SHQ1: variants seen among roughly 807,000 people sequenced by gnomAD.
SHQ1 encodes the protein SHQ1, H/ACA ribonucleoprotein assembly factor.
A neutral mutation model predicts 53.8 loss-of-function variants in SHQ1; 49 were observed. That is an observed-to-expected ratio of 0.91 (90% CI 0.72 to 1.16). The LOEUF (loss-of-function observed/expected upper bound fraction) is 1.16. SHQ1 is among the 50% of genes most tolerant of loss of function. SHQ1 has a pLI of 0.00. For missense variants in SHQ1, 738 were observed against 683.1 expected (o/e 1.08, Z -0.90); for synonymous variants, 243 against 251.0 (o/e 0.97, Z 0.30).
intron 6 of SHQ1, among the ~76,000 whole-genome samples, chr3:72,823,519 T>C (rs1044799652): frequency 2.0e-5 from 3 of 152,128 alleles, no homozygotes; most frequent in Non-Finnish European, 2.9e-5. Context: ...TGTCCACCAG[T>C]AGTAAACAGC....
chr3:72,813,447 T>C (rs369675745), intron 8 of SHQ1, among the ~76,000 whole-genome samples: 18 of 108,460 alleles, frequency 1.7e-4, no homozygotes, highest in Admixed American at 2.4e-4. Flanking sequence ...GCCTGGACAA[T>C]AGAGTGAGAC....
chr3:72,730,031 G>A, the SHQ1 span, among the ~76,000 whole-genome samples: 1 of 151,902 alleles, frequency 6.6e-6, no homozygotes, highest in East Asian at 1.9e-4. Context: ...TGTTAGCCAG[G>A]ATGGTCTCGA....
At position 72,824,411 on chromosome 3, in the gene SHQ1, T is replaced by C; in HGVS notation, c.727+13A>G. 1 of 1,608,858 alleles carries C rather than the reference T, an allele frequency of 6.2e-7. No homozygotes were observed. The highest frequency in any genetic ancestry group is 8.5e-7 in the Non-Finnish European group (1 of 1,179,110). Reference sequence around the variant, plus strand: ...TTAAAATGAAACAAATTAGCCGAATTTGAGTTTCTTACCTAATGTAGCATG... The same window carrying C: ...TTAAAATGAAACAAATTAGCCGAATCTGAGTTTCTTACCTAATGTAGCATG... On this transcript the variant is annotated intron_variant, in intron 6 of 10. Coordinates refer to ENST00000325599, the MANE Select transcript of SHQ1 (RefSeq NM_018130.3).
the SHQ1 span, among the ~76,000 whole-genome samples, chr3:72,734,421 A>G: frequency 1.3e-5 from 2 of 150,558 alleles, no homozygotes; most frequent in African/African-American, 2.5e-5. Flanking sequence ...ATGCCCAGCT[A>G]ATTTTTGTAT....
chr3:72,785,116 G>C (rs776209308), intron 10 of SHQ1, among the ~76,000 whole-genome samples: 9 of 152,232 alleles, frequency 5.9e-5, no homozygotes, highest in Non-Finnish European at 1.3e-4. Context: ...GATCTGTGGA[G>C]TGGCCATCCT....
In SHQ1 at chr3:72,750,348, C is replaced by A. The variant is rs201769881; in HGVS notation, c.1670G>T (p.Gly557Val). The A allele has an allele frequency of 1.2e-6, 2 of 1,614,156 alleles. No homozygotes were observed. The highest frequency in any genetic ancestry group is 1.3e-5 in the African/African-American group (1 of 75,034). Residue 557 changes from glycine (G) to valine (V), a missense_variant, in exon 11 of 11, where the codon GGC becomes GTC. Transcript: ENST00000325599. ...KTTVQVSEPKGTTAVNRSNIQ... is the reference protein window; with the variant it reads ...KTTVQVSEPKVTTAVNRSNIQ... ...ATTGCTGCGGTTTACAGCAGTGGTG[C>A]CCTTGGGTTCAGAAACCTGAACTGT...
At chr3:72,810,338 G>GA (rs1707080131) in intron 9 of SHQ1, among the ~76,000 whole-genome samples, 1 of 152,194 alleles carries the variant, frequency 6.6e-6, no homozygotes, top group African/African-American at 2.4e-5. Context: ...ATGCAAACCT[G>GA]AAAAGAGCCA....
intron 1 of SHQ1, 61 bp from the exon 2 acceptor site, chr3:72,844,484 C>T: frequency 8.1e-7 from 1 of 1,228,694 alleles, no homozygotes; most frequent in South Asian, 1.2e-5. Context: ...AAGTGGCCAT[C>T]AATACTTGCA....
At chr3:72,783,772 G>A (rs912705648) in intron 10 of SHQ1, among the ~76,000 whole-genome samples, 3 of 152,096 alleles carry the variant, frequency 2.0e-5, no homozygotes, top group Non-Finnish European at 4.4e-5. Flanking sequence ...TAGAATGTTT[G>A]TATGTATTAA....
At chr3:72,845,638 C>T (rs1246996864) in intron 1 of SHQ1, among the ~76,000 whole-genome samples, 1 of 152,180 alleles carries the variant, frequency 6.6e-6, no homozygotes, top group African/African-American at 2.4e-5. Flanking sequence ...ATGGCTGCCT[C>T]ATGTTGCCTA....
At chr3:72,742,618 TC>T in the SHQ1 span, among the ~76,000 whole-genome samples, 3 of 135,370 alleles carry the variant, frequency 2.2e-5, no homozygotes, top group African/African-American at 9.1e-5. Flanking sequence ...TTTCTTTTTT[TC>T]TTTTTTTTTT....
rs1706658289 is a variant in SHQ1, at chr3:72,797,395, G to A, written c.1061-4359C>T. On this transcript the variant is annotated intron_variant, in intron 9 of 10. Transcript: ENST00000325599. ...ATGCACCTGGCATTGTTCTACATGT[G>A]GGAGTACAGTTGTTTATTCTTTTCT... Among the ~76,000 whole-genome samples, 3 of 152,142 alleles carry A rather than the reference G, an allele frequency of 2.0e-5. No homozygotes were observed. In the South Asian group the frequency reaches 6.2e-4, roughly 31 times the overall value.
the SHQ1 span, among the ~76,000 whole-genome samples, chr3:72,738,847 C>G: frequency 6.6e-6 from 1 of 152,224 alleles, no homozygotes; most frequent in Non-Finnish European, 1.5e-5. Flanking sequence ...GGCACCTGCC[C>G]TGGGCCCCGC....
At chr3:72,767,586 C>G (rs1383955142) in intron 10 of SHQ1, among the ~76,000 whole-genome samples, 18 of 152,164 alleles carry the variant, frequency 1.2e-4, no homozygotes, top group Admixed American at 9.8e-4. Context: ...TAGGACTCAA[C>G]TAATTTGCTG....
chr3:72,732,296 A>G, the SHQ1 span, among the ~76,000 whole-genome samples: 56 of 150,176 alleles, frequency 3.7e-4, 3 homozygotes, highest in African/African-American at 1.4e-3. Flanking sequence ...GCACCCAGCC[A>G]CCCCTAAAGC....
chr3:72,752,915 G>A (rs1027822133), intron 10 of SHQ1: 3 of 879,570 alleles, frequency 3.4e-6, no homozygotes, highest in African/African-American at 3.6e-5. Flanking sequence ...CACCTACCTC[G>A]GCCTCCCAAA....
intron 10 of SHQ1, among the ~76,000 whole-genome samples, chr3:72,778,791 T>G (rs1463115225): frequency 6.6e-6 from 1 of 152,154 alleles, no homozygotes; most frequent in East Asian, 1.9e-4. Context: ...ACAAAAGAGT[T>G]TAAGTTCTGT....
intron 9 of SHQ1, among the ~76,000 whole-genome samples, chr3:72,802,317 C>T (rs1464156737): frequency 6.6e-6 from 1 of 152,184 alleles, no homozygotes; most frequent in East Asian, 1.9e-4. Context: ...GAATAGGTCT[C>T]CTCTCTTCTC....
chr3:72,809,027 A>G (rs1450690500), intron 9 of SHQ1, among the ~76,000 whole-genome samples: 2 of 151,710 alleles, frequency 1.3e-5, no homozygotes, highest in African/African-American at 4.9e-5. Context: ...ACCAAGAGAA[A>G]GGGGGTTTTA....
Sources: allele counts gnomAD v4.1 joint callset (sites outside exome capture counted in the v4.1 genomes callset), GRCh38; gene constraint gnomAD v4.1.1; transcripts MANE v1.5; gene names NCBI Gene and HGNC (gene_info 2026-07-23, HGNC 2026-07-21).